Variants in FGF7 observed in about 807,000 individuals in gnomAD.
The protein encoded by FGF7 is fibroblast growth factor 7.
FGF7 carries 6 observed loss-of-function variants against 20.5 expected under a neutral mutation model. That is an observed-to-expected ratio of 0.29 (90% confidence interval 0.16 to 0.58). The LOEUF (loss-of-function observed/expected upper bound fraction) is 0.58. Among genes scored for constraint, FGF7 ranks in the 20% least tolerant of loss-of-function variants. The pLI, the probability that FGF7 is intolerant of heterozygous loss-of-function variation, is 0.90. For synonymous variants in FGF7, 64 were observed against 74.7 expected (o/e 0.86, Z 0.74); for missense variants, 144 against 228.8 (o/e 0.63, Z 2.39).
intron 2 of FGF7, among the ~76,000 whole-genome samples, chr15:49,452,113 C>G (rs2151889883): frequency 6.6e-6 from 1 of 152,016 alleles, no homozygotes; most frequent in Non-Finnish European, 1.5e-5. Flanking sequence ...ATGGTCTTGG[C>G]TCACTGCAGC....
chr15:49,469,709 AG>A (rs1437981685), intron 2 of FGF7, among the ~76,000 whole-genome samples: 3 of 152,290 alleles, frequency 2.0e-5, no homozygotes, highest in African/African-American at 7.2e-5. Context: ...AGCAGTTGTC[AG>A]AGAATGAAAT....
chr15:49,423,671 A>T (rs545109717), intron 1 of FGF7, among the ~76,000 whole-genome samples: 154 of 152,298 alleles, frequency 1.0e-3, no homozygotes, highest in Middle Eastern at 3.4e-3. Context: ...GATTAACCAC[A>T]AATGTAAAAG....
At chr15:49,467,685 A>G (rs2054386643) in intron 2 of FGF7, among the ~76,000 whole-genome samples, 1 of 152,178 alleles carries the variant, frequency 6.6e-6, no homozygotes, top group South Asian at 2.1e-4. Context: ...TAGCAGATGT[A>G]AATAGTCTAC....
intron 2 of FGF7, among the ~76,000 whole-genome samples, chr15:49,467,977 C>T (rs2054412966): frequency 2.0e-5 from 3 of 152,072 alleles, no homozygotes; most frequent in South Asian, 4.1e-4. Context: ...ATTGCACAAC[C>T]GAATAGTTTG....
intron 2 of FGF7, among the ~76,000 whole-genome samples, chr15:49,470,770 G>A (rs1023016629): frequency 6.6e-6 from 1 of 152,208 alleles, no homozygotes; most frequent in African/African-American, 2.4e-5. Flanking sequence ...GCTGAAGTTT[G>A]ACATTAAGGT....
At chr15:49,449,825 G>A (rs964852839) in intron 2 of FGF7, among the ~76,000 whole-genome samples, 29 of 151,748 alleles carry the variant, frequency 1.9e-4, no homozygotes, top group African/African-American at 6.8e-4. Context: ...ACATGTAAAC[G>A]AGATCAGATA....
At chr15:49,475,034 A>T (rs2055132271) in intron 2 of FGF7, among the ~76,000 whole-genome samples, 1 of 152,226 alleles carries the variant, frequency 6.6e-6, no homozygotes, top group East Asian at 1.9e-4. Context: ...AATGGTATGG[A>T]AAACATACTT....
At chr15:49,429,702 T>A (rs1035599873) in intron 2 of FGF7, among the ~76,000 whole-genome samples, 9 of 151,978 alleles carry the variant, frequency 5.9e-5, no homozygotes, top group Non-Finnish European at 1.0e-4. Context: ...CCACAAAAAA[T>A]TTTTCATTAA....
chr15:49,477,480 A>G (rs2055451003), intron 2 of FGF7, among the ~76,000 whole-genome samples: 1 of 152,198 alleles, frequency 6.6e-6, no homozygotes, highest in African/African-American at 2.4e-5. Flanking sequence ...TATGTACTTA[A>G]GGTTCCCCTT....
intron 2 of FGF7, among the ~76,000 whole-genome samples, chr15:49,447,886 A>G (rs1331680030): frequency 6.6e-6 from 1 of 151,734 alleles, no homozygotes; most frequent in Non-Finnish European, 1.5e-5. Flanking sequence ...TTTGTTTTTC[A>G]TGCCAATTAA....
At chr15:49,436,831 A>G (rs140414862) in intron 2 of FGF7, among the ~76,000 whole-genome samples, 87 of 151,740 alleles carry the variant, frequency 5.7e-4, no homozygotes, top group African/African-American at 1.9e-3. Flanking sequence ...ATTACTTTGT[A>G]TCAAGCAGTG....
intron 2 of FGF7, among the ~76,000 whole-genome samples, chr15:49,481,061 A>G (rs1225445450): frequency 2.0e-5 from 3 of 152,208 alleles, no homozygotes; most frequent in African/African-American, 7.2e-5. Flanking sequence ...CTTTTTATCT[A>G]AAAGAAAATA....
At chr15:49,458,072 A>G (rs771001788) in intron 2 of FGF7, among the ~76,000 whole-genome samples, 2 of 151,992 alleles carry the variant, frequency 1.3e-5, no homozygotes, top group Non-Finnish European at 2.9e-5. Context: ...ACATGTAAAA[A>G]TTCTCTGAAA....
At chr15:49,477,326 A>G (rs939208218) in intron 2 of FGF7, among the ~76,000 whole-genome samples, 4 of 152,186 alleles carry the variant, frequency 2.6e-5, no homozygotes, top group African/African-American at 7.2e-5. Flanking sequence ...CCTGTGATTC[A>G]GCTTTTCATC....
intron 2 of FGF7, among the ~76,000 whole-genome samples, chr15:49,452,803 A>G (rs1033938371): frequency 6.6e-6 from 1 of 152,190 alleles, no homozygotes; most frequent in African/African-American, 2.4e-5. Context: ...GAATCACAGC[A>G]CAGGGTGCAG....
chr15:49,443,749 G>C (rs556212842), intron 2 of FGF7, among the ~76,000 whole-genome samples: 1 of 151,638 alleles, frequency 6.6e-6, no homozygotes, highest in Non-Finnish European at 1.5e-5. Context: ...CAGAACTATA[G>C]TTGTTCCTCT....
At chr15:49,461,454 A>C (rs1359439858) in intron 2 of FGF7, among the ~76,000 whole-genome samples, 1 of 152,144 alleles carries the variant, frequency 6.6e-6, no homozygotes, top group Non-Finnish European at 1.5e-5. Context: ...ATCTGACATC[A>C]TGTCTATTTT....
intron 2 of FGF7, among the ~76,000 whole-genome samples, chr15:49,455,631 T>C (rs2053213089): frequency 6.6e-6 from 1 of 152,162 alleles, no homozygotes; most frequent in Non-Finnish European, 1.5e-5. Flanking sequence ...TTTAACAATT[T>C]TTAATCTAAT....
intron 2 of FGF7, among the ~76,000 whole-genome samples, chr15:49,458,001 C>A (rs534627613): frequency 6.6e-6 from 1 of 151,386 alleles, no homozygotes. Context: ...ATATTTTTTC[C>A]CCAAAAGCAC....
Sources: gnomAD v4.1 joint callset for allele counts (sites outside exome capture counted in the v4.1 genomes callset) on GRCh38, gnomAD v4.1.1 for gene constraint, MANE v1.5 for transcripts, NCBI Gene and HGNC (gene_info 2026-07-23, HGNC 2026-07-21) for gene names.